The following CDH12 variants were observed in gnomAD, a reference collection of about 807,000 sequenced individuals.
The protein encoded by CDH12 is cadherin 12.
A neutral mutation model predicts 74.1 loss-of-function variants in CDH12; 41 were observed. That is an observed-to-expected ratio of 0.55 (90% CI 0.43 to 0.72). CDH12 has a LOEUF of 0.72. Ranked by LOEUF, CDH12 falls within the 30% of genes least tolerant of loss-of-function variation. The pLI is 0.00. For missense variants in CDH12, 945 were observed against 977.2 expected (o/e 0.97, Z 0.44); for synonymous variants, 399 against 355.0 (o/e 1.12, Z -1.39).
chr5:22,622,579 G>C (rs1262726146), intron 1 of CDH12, among the ~76,000 whole-genome samples: 2 of 152,138 alleles, frequency 1.3e-5, no homozygotes, highest in Non-Finnish European at 2.9e-5. Flanking sequence ...TAGAAGAAAT[G>C]GATGAATTCC....
At chr5:22,571,659 C>T (rs1739546609) in intron 1 of CDH12, among the ~76,000 whole-genome samples, 1 of 152,140 alleles carries the variant, frequency 6.6e-6, no homozygotes, top group South Asian at 2.1e-4. Flanking sequence ...AAGTGAGAGA[C>T]ATGCAACTCT....
At chr5:22,354,022 C>G (rs2150466883) in intron 3 of CDH12, among the ~76,000 whole-genome samples, 1 of 152,224 alleles carries the variant, frequency 6.6e-6, no homozygotes, top group South Asian at 2.1e-4. Context: ...AATGAAGTCC[C>G]TTAGGAAGTG....
At chr5:22,524,976 A>ACCGTC (rs1737206340) in intron 1 of CDH12, among the ~76,000 whole-genome samples, 1 of 117,590 alleles carries the variant, frequency 8.5e-6, no homozygotes, top group Non-Finnish European at 1.7e-5. Context: ...CCACCCCACA[A>ACCGTC]CCGTCCCAGT....
At chr5:22,515,577 G>A (rs2126677889) in intron 1 of CDH12, among the ~76,000 whole-genome samples, 1 of 152,100 alleles carries the variant, frequency 6.6e-6, no homozygotes, top group South Asian at 2.1e-4. Context: ...AGAAATGGAA[G>A]GGAGAGCCTT....
intron 3 of CDH12, among the ~76,000 whole-genome samples, chr5:22,287,233 T>C (rs1438608329): frequency 2.0e-5 from 3 of 152,154 alleles, no homozygotes; most frequent in African/African-American, 7.2e-5. Context: ...GCCATTTACG[T>C]CTGATTGTTT....
intron 1 of CDH12, among the ~76,000 whole-genome samples, chr5:22,705,949 G>T (rs904356340): frequency 1.4e-4 from 21 of 151,802 alleles, no homozygotes; most frequent in African/African-American, 3.9e-4. Context: ...ATTATATTAG[G>T]TTTACTTTCA....
At chr5:22,599,810 G>A (rs1407961700) in intron 1 of CDH12, among the ~76,000 whole-genome samples, 1 of 152,058 alleles carries the variant, frequency 6.6e-6, no homozygotes, top group Non-Finnish European at 1.5e-5. Context: ...TATTTATAAT[G>A]CACATCATCT....
At chr5:21,766,105 T>C (rs939433352) in intron 11 of CDH12, among the ~76,000 whole-genome samples, 30 of 152,042 alleles carry the variant, frequency 2.0e-4, no homozygotes, top group African/African-American at 7.2e-4. Flanking sequence ...TAATATTCTT[T>C]TAGACATCTA....
intron 7 of CDH12, among the ~76,000 whole-genome samples, chr5:21,851,519 G>T (rs961548481): frequency 6.6e-6 from 1 of 150,536 alleles, no homozygotes. Flanking sequence ...TTTTATAAAT[G>T]TTAAGTATAA....
At chr5:21,763,179 T>C (rs770717781) in intron 12 of CDH12, among the ~76,000 whole-genome samples, 10 of 152,160 alleles carry the variant, frequency 6.6e-5, no homozygotes, top group Non-Finnish European at 1.3e-4. Flanking sequence ...AGAAGATTAA[T>C]GAGTCCCCAC....
At chr5:22,196,013 G>A (rs1421901600) in intron 4 of CDH12, among the ~76,000 whole-genome samples, 4 of 151,946 alleles carry the variant, frequency 2.6e-5, no homozygotes, top group South Asian at 2.1e-4. Flanking sequence ...AAATAAGAAC[G>A]TTCTACACGT....
intron 1 of CDH12, among the ~76,000 whole-genome samples, chr5:22,611,578 T>G (rs2126826805): frequency 6.6e-6 from 1 of 152,234 alleles, no homozygotes; most frequent in South Asian, 2.1e-4. Flanking sequence ...CTTTAGCCTG[T>G]CTCAGCTTGA....
chr5:21,843,918 T>G (rs1345961889), intron 7 of CDH12, among the ~76,000 whole-genome samples: 1 of 152,202 alleles, frequency 6.6e-6, no homozygotes, highest in Non-Finnish European at 1.5e-5. Context: ...CTTGTCCTGT[T>G]GTTGACCGAG....
chr5:21,825,011 G>A (rs149159035), intron 8 of CDH12, among the ~76,000 whole-genome samples: 54 of 151,970 alleles, frequency 3.6e-4, no homozygotes, highest in African/African-American at 1.0e-3. Flanking sequence ...AAAATTAGCC[G>A]GGTGTGGTAG....
intron 2 of CDH12, among the ~76,000 whole-genome samples, chr5:22,440,975 A>C (rs1207947990): frequency 6.6e-6 from 1 of 152,176 alleles, no homozygotes; most frequent in Non-Finnish European, 1.5e-5. Flanking sequence ...GGGAACAACT[A>C]CATATTTGCA....
intron 4 of CDH12, among the ~76,000 whole-genome samples, chr5:22,121,323 C>T (rs1038903229): frequency 6.6e-6 from 1 of 152,090 alleles, no homozygotes; most frequent in Admixed American, 6.6e-5. Flanking sequence ...GCAAGCAGCC[C>T]GCTTATAAAA....
At chr5:21,871,450 A>G (rs1346234003) in intron 6 of CDH12, among the ~76,000 whole-genome samples, 6 of 152,108 alleles carry the variant, frequency 3.9e-5, no homozygotes, top group Non-Finnish European at 7.4e-5. Context: ...TAAAACAAAT[A>G]CCGCTGGGCG....
intron 1 of CDH12, among the ~76,000 whole-genome samples, chr5:22,553,357 T>G (rs2126737062): frequency 6.6e-6 from 1 of 152,250 alleles, no homozygotes; most frequent in Non-Finnish European, 1.5e-5. Context: ...TGTCAAACAC[T>G]TTGGTGGCAA....
chr5:22,590,763 C>T (rs531118693), intron 1 of CDH12, among the ~76,000 whole-genome samples: 3 of 152,256 alleles, frequency 2.0e-5, no homozygotes, highest in South Asian at 2.1e-4. Flanking sequence ...CCATTTGCTC[C>T]GAGTATTACA....
Sources: allele counts gnomAD v4.1 joint callset (sites outside exome capture counted in the v4.1 genomes callset), GRCh38; gene constraint gnomAD v4.1.1; transcripts MANE v1.5; gene names NCBI Gene and HGNC (gene_info 2026-07-23, HGNC 2026-07-21).